Variants in PPARGC1A observed in about 807,000 individuals in gnomAD.
The protein encoded by PPARGC1A is peroxisome proliferator-activated receptor gamma coactivator 1-alpha.
PPARGC1A carries 25 observed loss-of-function variants against 88.7 expected under a neutral mutation model. The ratio of observed to expected loss-of-function variants is 0.28; its 90% CI spans 0.21 to 0.39. PPARGC1A has a LOEUF of 0.39. Among genes scored for constraint, PPARGC1A ranks in the 10% least tolerant of loss-of-function variants. The pLI is 1.00. For missense variants in PPARGC1A, 880 were observed against 968.7 expected, an observed-to-expected ratio of 0.91 and a Z score of 1.22; for synonymous variants, 363 against 355.6, an observed-to-expected ratio of 1.02 and a Z score of -0.24.
chr4:24,043,490 C>G, the PPARGC1A span, among the ~76,000 whole-genome samples: 1 of 152,212 alleles, frequency 6.6e-6, no homozygotes, highest in East Asian at 1.9e-4. Flanking sequence ...TCCTCATTCC[C>G]TGGAGGATCA....
the PPARGC1A span, among the ~76,000 whole-genome samples, chr4:24,112,841 TCAC>T: frequency 6.6e-6 from 1 of 152,186 alleles, no homozygotes; most frequent in Non-Finnish European, 1.5e-5. Flanking sequence ...TCTTGCCCTA[TCAC>T]CACTTCTTTC....
chr4:23,935,771 AG>A, the PPARGC1A span, among the ~76,000 whole-genome samples: 1 of 152,240 alleles, frequency 6.6e-6, no homozygotes, highest in East Asian at 1.9e-4. Context: ...TTGCAAAATC[AG>A]GAAGTCAGGA....
At chr4:23,943,460 G>C in the PPARGC1A span, among the ~76,000 whole-genome samples, 1 of 148,756 alleles carries the variant, frequency 6.7e-6, no homozygotes, top group African/African-American at 2.5e-5. Context: ...GAAACAATTT[G>C]AGGGATTTAA....
At chr4:24,404,642 A>C in the PPARGC1A span, among the ~76,000 whole-genome samples, 1 of 152,208 alleles carries the variant, frequency 6.6e-6, no homozygotes, top group Non-Finnish European at 1.5e-5. Context: ...CAAAGTTGGC[A>C]AACTAAATGA....
the PPARGC1A span, among the ~76,000 whole-genome samples, chr4:24,274,806 C>T: frequency 6.7e-6 from 1 of 149,908 alleles, no homozygotes; most frequent in African/African-American, 2.4e-5. Flanking sequence ...CCTAGCAAAT[C>T]TACATTTTTT....
At position 23,801,376 on chromosome 4, in the gene PPARGC1A, C is replaced by T. The variant is rs988636454; in HGVS notation, c.2293+354G>A. ...AACACACACAGACACACACAATATC[C>T]ACAGAGATACACACAATACATGCAC... On this transcript the variant is annotated intron_variant, in intron 12 of 12. Coordinates refer to ENST00000264867, the MANE Select transcript of PPARGC1A (RefSeq NM_013261.5). 2.8e-4 allele frequency among the ~76,000 whole-genome samples: 43 copies of T among 152,108 alleles called. 1 individual carries two copies. The highest frequency in any genetic ancestry group is 9.2e-4 in the African/African-American group (38 of 41,518).
chr4:24,281,938 G>A, the PPARGC1A span, among the ~76,000 whole-genome samples: 3 of 152,252 alleles, frequency 2.0e-5, no homozygotes, highest in South Asian at 2.1e-4. Context: ...AACAACTGAG[G>A]CTCAAAGGGC....
At chr4:24,264,990 A>G in the PPARGC1A span, among the ~76,000 whole-genome samples, 1 of 152,184 alleles carries the variant, frequency 6.6e-6, no homozygotes, top group Admixed American at 6.5e-5. Context: ...TGCACATCAC[A>G]TATCTCCAAG....
chr4:24,400,867 G>A, the PPARGC1A span, among the ~76,000 whole-genome samples: 1 of 152,190 alleles, frequency 6.6e-6, no homozygotes, highest in African/African-American at 2.4e-5. Flanking sequence ...CCAAGTGACT[G>A]AAACTAAAAT....
the PPARGC1A span, among the ~76,000 whole-genome samples, chr4:24,159,399 C>T: frequency 4.6e-5 from 7 of 151,794 alleles, no homozygotes; most frequent in Non-Finnish European, 1.0e-4. Flanking sequence ...TTATTACAGA[C>T]AGGGTTTCAC....
chr4:24,300,895 C>A, the PPARGC1A span, among the ~76,000 whole-genome samples: 13 of 152,094 alleles, frequency 8.5e-5, no homozygotes, highest in African/African-American at 2.7e-4. Context: ...AACATAGGAA[C>A]AGTGGCTGGA....
At chr4:24,298,700 G>A in the PPARGC1A span, among the ~76,000 whole-genome samples, 1 of 152,138 alleles carries the variant, frequency 6.6e-6, no homozygotes, top group Non-Finnish European at 1.5e-5. Flanking sequence ...AGCTTAAAAT[G>A]CAGTTGAAAA....
At chr4:24,302,659 A>AG in the PPARGC1A span, among the ~76,000 whole-genome samples, 10 of 152,224 alleles carry the variant, frequency 6.6e-5, no homozygotes, top group African/African-American at 2.4e-4. Flanking sequence ...TTAGCGAGTC[A>AG]GGGGCCAGGC....
At chr4:24,069,060 C>T in the PPARGC1A span, among the ~76,000 whole-genome samples, 1 of 152,164 alleles carries the variant, frequency 6.6e-6, no homozygotes, top group Non-Finnish European at 1.5e-5. Context: ...TTAATATGTG[C>T]CACGTTATGT....
chr4:23,874,563 A>G (rs10006687), intron 2 of PPARGC1A, among the ~76,000 whole-genome samples: 31,960 of 152,080 alleles, frequency 0.21, 4,176 homozygotes, highest in Non-Finnish European at 0.29. Flanking sequence ...CCCCCTAAAA[A>G]AAAAAAAAGG....
the PPARGC1A span, among the ~76,000 whole-genome samples, chr4:24,458,808 T>C: frequency 2.0e-5 from 3 of 152,204 alleles, no homozygotes. Context: ...AAAAATTATA[T>C]GGAGGCATAT....
chr4:24,159,278 T>C, the PPARGC1A span, among the ~76,000 whole-genome samples: 1 of 149,012 alleles, frequency 6.7e-6, no homozygotes, highest in Non-Finnish European at 1.5e-5. Context: ...TGGTGCAATC[T>C]TGGCTCACTG....
the PPARGC1A span, among the ~76,000 whole-genome samples, chr4:24,225,153 G>A: frequency 3.9e-5 from 6 of 152,196 alleles, no homozygotes; most frequent in African/African-American, 1.4e-4. Flanking sequence ...GTTTTTAACA[G>A]AGCCTGCTGC....
chr4:24,390,013 A>T, the PPARGC1A span, among the ~76,000 whole-genome samples: 1 of 152,164 alleles, frequency 6.6e-6, no homozygotes. Context: ...TGGAGTTTTT[A>T]ATGGTATAGT....
Sources: gnomAD v4.1 joint callset for allele counts (sites outside exome capture counted in the v4.1 genomes callset) on GRCh38, gnomAD v4.1.1 for gene constraint, MANE v1.5 for transcripts, NCBI Gene and HGNC (gene_info 2026-07-23, HGNC 2026-07-21) for gene names.